Variants in ZCCHC9 observed in about 807,000 individuals in gnomAD.
The protein encoded by ZCCHC9 is zinc finger CCHC domain-containing protein 9.
A neutral mutation model predicts 30.8 loss-of-function variants in ZCCHC9; 18 were observed. The observed-to-expected ratio is 0.58, with a 90% CI of 0.40 to 0.87. The LOEUF (loss-of-function observed/expected upper bound fraction) is 0.87. Among genes scored for constraint, ZCCHC9 ranks in the 40% least tolerant of loss-of-function variants. The pLI is 0.00. For synonymous variants in ZCCHC9, 94 were observed against 106.7 expected, an observed-to-expected ratio of 0.88 and a Z score of 0.73; for missense variants, 279 against 331.2, an observed-to-expected ratio of 0.84 and a Z score of 1.22.
Position 81,308,608 on chromosome 5 carries a change from C to T in ZCCHC9, c.432C>T (p.Pro144=), listed in dbSNP as rs149561750. ...RKPGHGIADC[P]AALENQDMGT... ...CTGGTCATGGAATTGCAGATTGCCC[C>T]GCCGCCCTTGAAAATCAAGACATGG... is the stretch of plus-strand genomic sequence containing the variant. Residue 144 remains proline (P), a synonymous_variant, in exon 3 of 6, where the codon CCC becomes CCT. Transcript: ENST00000407610. 2.1e-4 allele frequency: 334 copies of T among 1,613,588 alleles called. No individual in the cohort carries two copies. In the African/African-American group the frequency reaches 3.7e-3, roughly 18 times the overall value.
chr5:81,308,683 G>C lies in ZCCHC9; in HGVS notation c.507G>C (p.Lys169Asn). 1 of 1,612,670 alleles carries C rather than the reference G, an allele frequency of 6.2e-7. No individual in the cohort carries two copies. The highest frequency in any genetic ancestry group is 2.2e-5 in the East Asian group (1 of 44,828). ...GGTCCACAGAGCACGAAATAACCAAGTGTAAGGCTAAAGTAGACCCGGCTC... is the reference window on the plus strand; with the variant it reads ...GGTCCACAGAGCACGAAATAACCAACTGTAAGGCTAAAGTAGACCCGGCTC... ...RCGSTEHEITKCKAKVDPALG... is the reference protein window; with the variant it reads ...RCGSTEHEITNCKAKVDPALG... Residue 169 changes from lysine to asparagine, a missense_variant, in exon 3 of 6, where the codon AAG becomes AAC. Transcript: ENST00000407610.
At chr5:81,309,060 T>C (rs1369703151) in intron 4 of ZCCHC9, 22 bp downstream of exon 4, 9 of 1,549,832 alleles carry the variant, frequency 5.8e-6, no homozygotes, top group African/African-American at 5.5e-5. Flanking sequence ...TACCCTCATA[T>C]AGCAGAAATG....
At chr5:81,302,160 G>C (rs1207871015) in intron 1 of ZCCHC9, 1 of 152,534 alleles carries the variant, frequency 6.6e-6, no homozygotes, top group Non-Finnish European at 1.5e-5. Context: ...GGGGTTGCCA[G>C]GGATGCTGGT....
intron 4 of ZCCHC9, among the ~76,000 whole-genome samples, chr5:81,310,546 G>A (rs1758248851): frequency 6.6e-6 from 1 of 151,862 alleles, no homozygotes; most frequent in Non-Finnish European, 1.5e-5. Context: ...TTAACATTTC[G>A]AGCATGATCA....
intron 4 of ZCCHC9, 63 bp downstream of exon 4, chr5:81,309,101 ACACTC>A: frequency 2.5e-6 from 3 of 1,185,464 alleles, no homozygotes; most frequent in Non-Finnish European, 3.6e-6. Flanking sequence ...GATTTAATTT[ACACTC>A]AATCACAGTT....
intron 4 of ZCCHC9, 79 bp from the exon 5 acceptor site, chr5:81,311,132 A>G (rs771805326): frequency 5.6e-6 from 8 of 1,418,530 alleles, no homozygotes; most frequent in African/African-American, 2.8e-5. Flanking sequence ...AGGATCCAGT[A>G]AGATGTGAAA....
In ZCCHC9 at chr5:81,312,811, T is replaced by C; in HGVS notation, c.*149T>C. ...TGTGGCCAAAAACAATTTTCTTTAT[T>C]CTGTCTATCAAATAGTACTTCTACC... On this transcript the variant is annotated 3_prime_UTR_variant, in exon 6 of 6. Coordinates refer to ENST00000407610, the MANE Select transcript of ZCCHC9 (RefSeq NM_001131035.2). 1 of 567,744 alleles carries C rather than the reference T, an allele frequency of 1.8e-6. No individual in the cohort carries two copies. The highest frequency in any genetic ancestry group is 3.3e-5 in the Admixed American group (1 of 30,758). The allele number at this position is 567,744 out of a possible 1,614,324, so 35.2% of individuals were successfully genotyped here. A position where few individuals can be genotyped will look rare whatever the true frequency, so the allele number is the denominator to read the frequency against.
At chr5:81,308,486 T>C (rs1758153642) in intron 2 of ZCCHC9, 75 bp from the exon 3 acceptor site, 12 of 1,421,374 alleles carry the variant, frequency 8.4e-6, no homozygotes, top group East Asian at 2.5e-5. Flanking sequence ...GTTTTAAATA[T>C]GTTTTTGATA....
At chr5:81,307,241 A>G (rs1325468600) in intron 2 of ZCCHC9, among the ~76,000 whole-genome samples, 1 of 152,226 alleles carries the variant, frequency 6.6e-6, no homozygotes, top group Non-Finnish European at 1.5e-5. Context: ...AAATTCTTCA[A>G]ATTTCTGTAA....
At chr5:81,312,492 A>G in intron 5 of ZCCHC9, 52 bp from the exon 6 acceptor site, 1 of 1,369,386 alleles carries the variant, frequency 7.3e-7, no homozygotes, top group African/African-American at 1.4e-5. Flanking sequence ...ATCTGAGTGG[A>G]TGCATTTGAT....
At position 81,311,250 on chromosome 5, in the gene ZCCHC9, A is replaced by G. The variant is rs1339557387; in HGVS notation, c.668A>G (p.Lys223Arg). 1.9e-6 allele frequency: 3 copies of G among 1,614,154 alleles called. No individual in the cohort carries two copies. The highest frequency in any genetic ancestry group is 3.3e-5 in the Admixed American group (2 of 60,036). The change falls in exon 5 of 6, where the codon AAG (lysine) becomes AGG (arginine). Residue 223 changes from lysine (K) to arginine (R), a missense_variant. Physicochemically the swap from Lys to Arg is conservative, Grantham distance 26. Coordinates refer to ENST00000407610, the MANE Select transcript of ZCCHC9 (RefSeq NM_001131035.2). ...CTTTGTGGCTCTGTGGAACATTTAA[A>G]GAAAGATTGCCCTGAAAGTCAGAAT... is the stretch of plus-strand genomic sequence containing the variant. ...CKLCGSVEHL[K>R]KDCPESQNSE...
At chr5:81,307,310 A>C (rs899735205) in intron 2 of ZCCHC9, among the ~76,000 whole-genome samples, 1 of 152,246 alleles carries the variant, frequency 6.6e-6, no homozygotes, top group African/African-American at 2.4e-5. Flanking sequence ...GGAATAAATT[A>C]TTCCTTTAAA....
At position 81,301,638 on chromosome 5, in the gene ZCCHC9, G is replaced by C. The variant is rs1214198576; in HGVS notation, c.-78G>C. The C allele has an allele frequency of 6.6e-6, 1 of 152,362 alleles. No homozygotes were observed. Among genetic ancestry groups the C allele is most frequent in the East Asian group, 1.9e-4 (1 of 5,208 alleles). 9.4% of individuals were successfully genotyped at this position (152,362 alleles called of 1,614,324 possible). A position where few individuals can be genotyped will look rare whatever the true frequency, so the allele number is the denominator to read the frequency against. On this transcript the variant is annotated 5_prime_UTR_variant, in exon 1 of 6. Coordinates refer to ENST00000407610, the MANE Select transcript of ZCCHC9 (RefSeq NM_001131035.2). ...GCAGGAGGGCGGTCTTCCCCGGCTCGCCAACTCGGCTGCTCTGGGGGATTC... is the reference window on the plus strand; with the variant it reads ...GCAGGAGGGCGGTCTTCCCCGGCTCCCCAACTCGGCTGCTCTGGGGGATTC...
chr5:81,305,816 TGA>T (rs1758069602), intron 2 of ZCCHC9, among the ~76,000 whole-genome samples: 6 of 152,262 alleles, frequency 3.9e-5, no homozygotes. Context: ...AAATTAGCAT[TGA>T]GAAAATGTCA....
At position 81,309,030 on chromosome 5, in the gene ZCCHC9, AT is replaced by A. The variant is rs538978356; in HGVS notation, c.621del (p.Tyr207Ter). The A allele has an allele frequency of 8.0e-5, 129 of 1,610,942 alleles. No homozygotes were observed. The African/African-American group carries it at 1.6e-3, about 20-fold the overall frequency. The part of the protein sequence containing the change: ...RSCPDNPKGL[Y>X]ADGGGCKLCG... The stretch of plus-strand genomic sequence containing the variant: ...TGTCCTGATAATCCCAAAGGACTCT[AT>A]GCTGATGGTAAGTACTGTTACCCTC... On this transcript the variant is annotated frameshift_variant, in exon 4 of 6. Coordinates refer to ENST00000407610, the MANE Select transcript of ZCCHC9 (RefSeq NM_001131035.2). LOFTEE classifies it high-confidence loss of function.
At chr5:81,306,131 T>G (rs1758076357) in intron 2 of ZCCHC9, among the ~76,000 whole-genome samples, 2 of 152,206 alleles carry the variant, frequency 1.3e-5, no homozygotes, top group South Asian at 4.1e-4. Flanking sequence ...ATTATTTCCC[T>G]TCTCTAAGTG....
intron 4 of ZCCHC9, 173 bp downstream of exon 4, chr5:81,309,211 C>G (rs1278379342): frequency 2.1e-6 from 1 of 476,244 alleles, no homozygotes. Flanking sequence ...TGCAATTTGA[C>G]TTCAGATGTT....
chr5:81,310,702 G>T (rs1758254740), intron 4 of ZCCHC9, among the ~76,000 whole-genome samples: 1 of 152,190 alleles, frequency 6.6e-6, no homozygotes, highest in South Asian at 2.1e-4. Flanking sequence ...TGCCTGGCCA[G>T]TGGAAGGCAC....
chr5:81,311,497 C>A (rs973723992), intron 5 of ZCCHC9, among the ~76,000 whole-genome samples: 7 of 152,030 alleles, frequency 4.6e-5, no homozygotes, highest in African/African-American at 1.7e-4. Context: ...CCTTAGGGGA[C>A]CCTGACTTTA....
Sources: gnomAD v4.1 joint callset for allele counts (sites outside exome capture counted in the v4.1 genomes callset) on GRCh38, gnomAD v4.1.1 for gene constraint, MANE v1.5 for transcripts, NCBI Gene and HGNC (gene_info 2026-07-23, HGNC 2026-07-21) for gene names.